LTN1: variants seen among roughly 807,000 people sequenced by gnomAD.
The protein encoded by LTN1 is listerin E3 ubiquitin protein ligase 1, also known as E3 ubiquitin-protein ligase listerin.
A neutral mutation model predicts 201.2 loss-of-function variants in LTN1; 88 were observed. The observed-to-expected ratio is 0.44, with a 90% CI of 0.37 to 0.52. The LOEUF (loss-of-function observed/expected upper bound fraction) is 0.52. Ranked by LOEUF, LTN1 falls within the 20% of genes least tolerant of loss-of-function variation. The pLI is 0.00. For synonymous variants in LTN1, 645 were observed against 713.5 expected, an observed-to-expected ratio of 0.90 and a Z score of 1.53; for missense variants, 1,752 against 2,038.7, an observed-to-expected ratio of 0.86 and a Z score of 2.71.
chr21:28,957,408 A>T lies in LTN1; in HGVS notation c.2816T>A (p.Leu939His). 6.2e-7 allele frequency: 1 copy of T among 1,608,220 alleles called. No individual in the cohort carries two copies. The highest frequency in any genetic ancestry group is 8.5e-7 in the Non-Finnish European group (1 of 1,178,026). Residue 939 changes from leucine to histidine, a missense_variant, in exon 15 of 30, where the codon CTT becomes CAT. Leu to His is a moderately conservative substitution (Grantham distance 99, BLOSUM62 -3). Around this residue, in one of 3 missense-constraint regions of LTN1, gnomAD observed 1,211 missense variants for 1,312.8 expected, o/e 0.92. Transcript: ENST00000361371. ...TACACTTCCAATATAAACTCCCATA[A>T]GATAAGAATCTTCACTCTCTAGAAG... is the stretch of plus-strand genomic sequence containing the variant. ...NTLLESEDSY[L>H]MGVYIGSVMP...
chr21:28,934,824 A>G (rs927452278), intron 27 of LTN1, among the ~76,000 whole-genome samples: 1 of 152,176 alleles, frequency 6.6e-6, no homozygotes, highest in African/African-American at 2.4e-5. Flanking sequence ...AGACTAATAC[A>G]GTGTGTGAAT....
intron 1 of LTN1, among the ~76,000 whole-genome samples, chr21:28,987,333 G>A (rs977367116): frequency 6.6e-6 from 1 of 152,120 alleles, no homozygotes; most frequent in Non-Finnish European, 1.5e-5. Context: ...CATATAAATA[G>A]TATGTATACA....
chr21:28,934,448 C>T (rs921230456), intron 27 of LTN1, among the ~76,000 whole-genome samples: 1 of 152,044 alleles, frequency 6.6e-6, no homozygotes, highest in Admixed American at 6.6e-5. Context: ...GTGCTAGTCT[C>T]GTGATAGTGA....
Position 28,967,037 on chromosome 21 carries a change from T to A in LTN1, c.1454A>T (p.Asn485Ile). The A allele has an allele frequency of 6.2e-7, 1 of 1,614,122 alleles. No homozygotes were observed. Among genetic ancestry groups the A allele is most frequent in the Non-Finnish European group, 8.5e-7 (1 of 1,180,014 alleles). ...KDEKTAHNLE[N>I]VLIHFWERLS... ...TCTTTCCCAGAAATGTATCAGTACG[T>A]TCTCCAAGTTGTGAGCTGTTTTTTC... The change falls in exon 10 of 30, where the codon AAC becomes ATC. Residue 485 changes from asparagine to isoleucine, a missense_variant. This residue lies in a region of LTN1 where 1,211 missense variants were observed against 1,312.8 expected (regional missense o/e 0.92). Transcript: ENST00000361371.
intron 11 of LTN1, among the ~76,000 whole-genome samples, chr21:28,964,258 C>T (rs1278177545): frequency 6.6e-6 from 1 of 152,150 alleles, no homozygotes. Context: ...ATGCAGCAAA[C>T]TGCACTATTG....
At chr21:28,949,304 T>C (rs1212782737) in intron 18 of LTN1, among the ~76,000 whole-genome samples, 1 of 152,230 alleles carries the variant, frequency 6.6e-6, no homozygotes, top group Non-Finnish European at 1.5e-5. Context: ...GTAATCTTTA[T>C]ATTTTGTCGC....
intron 18 of LTN1, among the ~76,000 whole-genome samples, chr21:28,950,583 T>C (rs2084374105): frequency 6.6e-6 from 1 of 152,134 alleles, no homozygotes; most frequent in Non-Finnish European, 1.5e-5. Context: ...TGGCGTGATC[T>C]CTGCTCACTG....
intron 6 of LTN1, among the ~76,000 whole-genome samples, chr21:28,980,842 A>G (rs2084652878): frequency 6.6e-6 from 1 of 152,198 alleles, no homozygotes. Context: ...AAATAAATTA[A>G]TTAAATGAGA....
chr21:28,960,586 A>G lies in LTN1; in HGVS notation c.2284T>C (p.Ser762Pro), dbSNP rs200714466. ...CTTTCTGAGAAGTGAGATTCTGAAG[A>G]TACCCTGGATTCCAAGTCCTCATTA... The part of the protein sequence containing the change: ...LCNEDLESRV[S>P]SESHFSERWT... Residue 762 changes from serine (S) to proline (P), a missense_variant, in exon 12 of 30, where the codon TCT becomes CCT. Physicochemically the swap from Ser to Pro is moderately conservative, Grantham distance 74. Transcript: ENST00000361371. 3.5e-5 allele frequency: 56 copies of G among 1,613,800 alleles called. No individual in the cohort carries two copies. The highest frequency in any genetic ancestry group is 4.6e-5 in the Non-Finnish European group (54 of 1,179,824).
At position 28,969,530 on chromosome 21, in the gene LTN1, A is replaced by G; in HGVS notation, c.1247T>C (p.Leu416Ser). Reference protein sequence around the residue: ...SAVISAFFECLRFIMQQNLGE... With the variant: ...SAVISAFFECSRFIMQQNLGE... ...TAAGTTTTGCTGCATTATAAAACGTAAGCATTCAAAAAAAGCAGATATTAC... is the reference window on the plus strand; with the variant it reads ...TAAGTTTTGCTGCATTATAAAACGTGAGCATTCAAAAAAAGCAGATATTAC... Residue 416 changes from leucine to serine, a missense_variant, in exon 9 of 30, where the codon TTA becomes TCA. Around this residue, in one of 3 missense-constraint regions of LTN1, gnomAD observed 1,211 missense variants for 1,312.8 expected, o/e 0.92. Coordinates refer to ENST00000361371, the MANE Select transcript of LTN1 (RefSeq NM_015565.3). The G allele has an allele frequency of 6.2e-7, 1 of 1,612,672 alleles. No homozygotes were observed. The highest frequency in any genetic ancestry group is 8.5e-7 in the Non-Finnish European group (1 of 1,179,086).
At chr21:28,948,159 T>C (rs2084354827) in intron 18 of LTN1, among the ~76,000 whole-genome samples, 1 of 92,030 alleles carries the variant, frequency 1.1e-5, no homozygotes, top group African/African-American at 4.4e-5. Flanking sequence ...GCCCCTGCAC[T>C]CCAGCCCTGG....
intron 5 of LTN1, 87 bp downstream of exon 5, chr21:28,982,227 CAA>C: frequency 8.5e-7 from 1 of 1,172,018 alleles, no homozygotes; most frequent in Non-Finnish European, 1.2e-6. Context: ...AAAAAAAAAA[CAA>C]AAACAAAAAG....
intron 6 of LTN1, among the ~76,000 whole-genome samples, chr21:28,980,198 A>G (rs1306743735): frequency 1.3e-5 from 2 of 152,054 alleles, no homozygotes; most frequent in Non-Finnish European, 2.9e-5. Flanking sequence ...TCCAAGCAGC[A>G]GCACTGAAGT....
At position 28,944,418 on chromosome 21, in the gene LTN1, T is replaced by C; in HGVS notation, c.3947A>G (p.His1316Arg). The change falls in exon 22 of 30, where the codon CAC (histidine) becomes CGC (arginine). Residue 1316 changes from histidine (H) to arginine (R), a missense_variant. This residue lies in a region of LTN1 where 1,211 missense variants were observed against 1,312.8 expected (regional missense o/e 0.92). Transcript: ENST00000361371. ...CACCAAAATAGGTAAAAGCAAACTG[T>C]GGATGCCTTGGGAAAAAAATTCTTT... is the stretch of plus-strand genomic sequence containing the variant. Reference protein sequence around the residue: ...EWKEFFSQGIHSLLLPILVTV... With the variant: ...EWKEFFSQGIRSLLLPILVTV... The C allele has an allele frequency of 6.2e-7, 1 of 1,613,960 alleles. No homozygotes were observed. The highest frequency in any genetic ancestry group is 8.5e-7 in the Non-Finnish European group (1 of 1,179,862).
intron 6 of LTN1, among the ~76,000 whole-genome samples, chr21:28,978,654 A>C (rs1600999394): frequency 6.6e-6 from 1 of 152,224 alleles, no homozygotes; most frequent in East Asian, 1.9e-4. Context: ...TCTTTCTGAC[A>C]TAAGACACAT....
intron 10 of LTN1, 38 bp downstream of exon 10, chr21:28,966,332 T>C: frequency 6.8e-7 from 1 of 1,478,422 alleles, no homozygotes; most frequent in Non-Finnish European, 9.2e-7. Context: ...TACTCATCTA[T>C]TATTCAAATA....
Position 28,986,602 on chromosome 21 carries a change from G to GA in LTN1, c.246+128dup. On this transcript the variant is annotated intron_variant, in intron 2 of 29. Coordinates refer to ENST00000361371, the MANE Select transcript of LTN1 (RefSeq NM_015565.3). This position sits in a 1 kb window ranked among gnomAD's most constrained non-coding sequence, Gnocchi z 4.1. ...CAACTAAGTTTAAGACTCTGTGTCA[G>GA]AAAAAAGTACAATTATAAAAGAACT... The GA allele has an allele frequency of 1.4e-6, 1 of 739,056 alleles. No individual in the cohort carries two copies. Among genetic ancestry groups the GA allele is most frequent in the Non-Finnish European group, 2.2e-6 (1 of 455,408 alleles). The allele number at this position is 739,056 out of a possible 1,614,324, so 45.8% of individuals were successfully genotyped here.
At position 28,929,608 on chromosome 21, in the gene LTN1, G is replaced by A. The variant is rs1311400760; in HGVS notation, c.*840C>T. 6.6e-6 allele frequency: 1 copy of A among 151,728 alleles called. No individual in the cohort carries two copies. Among genetic ancestry groups the A allele is most frequent in the African/African-American group, 2.4e-5 (1 of 41,268 alleles). The allele number at this position is 151,728 out of a possible 1,614,324, so 9.4% of individuals were successfully genotyped here. On this transcript the variant is annotated 3_prime_UTR_variant, in exon 30 of 30. Transcript: ENST00000361371. The stretch of plus-strand genomic sequence containing the variant: ...TTTTTCCACTGATCTTTAAGTTTCA[G>A]TAATACTCATTTATTTCTTCCCTCT...
At chr21:28,989,489 C>T (rs1010341013) in intron 1 of LTN1, among the ~76,000 whole-genome samples, 1 of 151,144 alleles carries the variant, frequency 6.6e-6, no homozygotes, top group Non-Finnish European at 1.5e-5. Context: ...TGTACTATGC[C>T]TACTTCTGTC....
Sources: allele counts gnomAD v4.1 joint callset (sites outside exome capture counted in the v4.1 genomes callset), GRCh38; gene constraint gnomAD v4.1.1; regional missense constraint gnomAD v4.1.1; non-coding constraint Gnocchi (gnomAD v3.1); transcripts MANE v1.5; gene names NCBI Gene and HGNC (gene_info 2026-07-23, HGNC 2026-07-21).